NOTCH3: variants seen among roughly 807,000 people sequenced by gnomAD.
The protein encoded by NOTCH3 is neurogenic locus notch homolog protein 3.
A neutral mutation model predicts 213.3 loss-of-function variants in NOTCH3; 86 were observed. The ratio of observed to expected loss-of-function variants is 0.40; its 90% CI spans 0.34 to 0.48. The LOEUF (loss-of-function observed/expected upper bound fraction) is 0.48. Among genes scored for constraint, NOTCH3 ranks in the 20% least tolerant of loss-of-function variants. The probability of loss-of-function intolerance (pLI) is 0.57; values close to 1 mark genes in which losing one functional copy is unlikely to be tolerated. For missense variants in NOTCH3, 2,783 were observed against 3,272.6 expected (o/e 0.85, Z 3.65); for synonymous variants, 1,354 against 1,355.9 (o/e 1.00, Z 0.03).
At chr19:15,174,524 T>C in intron 24 of NOTCH3, 124 bp from the exon 25 acceptor site, 1 of 680,264 alleles carries the variant, frequency 1.5e-6, no homozygotes, top group Non-Finnish European at 2.3e-6. Flanking sequence ...GACTGGAATA[T>C]ACGGACCCAT....
chr19:15,199,648 ATC>A (rs1230877785), intron 1 of NOTCH3, among the ~76,000 whole-genome samples: 1 of 152,156 alleles, frequency 6.6e-6, no homozygotes, highest in Non-Finnish European at 1.5e-5. Flanking sequence ...GCAGGTTTGC[ATC>A]TCTGTTACGT....
rs2145400537 is a variant in NOTCH3, at chr19:15,170,568, C to G, written c.4892-15G>C. 5 of 1,606,698 alleles carry G rather than the reference C, an allele frequency of 3.1e-6. No individual in the cohort carries two copies. Among genetic ancestry groups the G allele is most frequent in the Non-Finnish European group, 4.2e-6 (5 of 1,178,614 alleles). On this transcript the variant is annotated splice_polypyrimidine_tract_variant and intron_variant, in intron 26 of 32. Coordinates refer to ENST00000263388, the MANE Select transcript of NOTCH3 (RefSeq NM_000435.3). ...CAGCGGCTCCCCTAAGAGCAGGAAGCAGAGGGCGGGGCTTCAGCCGAGGGC... is the reference window on the plus strand; with the variant it reads ...CAGCGGCTCCCCTAAGAGCAGGAAGGAGAGGGCGGGGCTTCAGCCGAGGGC...
chr19:15,199,887 G>A (rs1256749064), intron 1 of NOTCH3, among the ~76,000 whole-genome samples: 1 of 152,046 alleles, frequency 6.6e-6, no homozygotes, highest in Non-Finnish European at 1.5e-5. Flanking sequence ...CCGCCCACCA[G>A]GCCTCCCGTA....
chr19:15,162,773 T>TTGTGTGTGTGTG (rs770008525), intron 31 of NOTCH3, among the ~76,000 whole-genome samples: 19 of 5,270 alleles, frequency 3.6e-3, no homozygotes, highest in African/African-American at 7.5e-3. Flanking sequence ...GTGTGTGTGT[T>TTGTGTGTGTGTG]TGTGTGTGTG....
At chr19:15,195,123 C>A (rs2046959474) in intron 2 of NOTCH3, among the ~76,000 whole-genome samples, 1 of 152,134 alleles carries the variant, frequency 6.6e-6, no homozygotes, top group African/African-American at 2.4e-5. Context: ...CCCACAGCAT[C>A]CCACGCGGAA....
chr19:15,174,604 C>T (rs1313601140), intron 24 of NOTCH3, among the ~76,000 whole-genome samples: 1 of 149,988 alleles, frequency 6.7e-6, no homozygotes, highest in African/African-American at 2.5e-5. Flanking sequence ...CGGAGTCTTG[C>T]TCTGTCGCCC....
At chr19:15,187,748 A>AC (rs1243575878) in intron 10 of NOTCH3, 133 bp downstream of exon 10, 2 of 751,290 alleles carry the variant, frequency 2.7e-6, no homozygotes, top group Non-Finnish European at 4.7e-6. Context: ...TATTGGCTCC[A>AC]CCCCCCAACT....
chr19:15,170,638 C>A, intron 26 of NOTCH3, 33 bp downstream of exon 26: 2 of 1,545,860 alleles, frequency 1.3e-6, no homozygotes, highest in South Asian at 1.2e-5. Context: ...CCAGCTCCGC[C>A]CCCGCCACCC....
intron 16 of NOTCH3, 109 bp from the exon 17 acceptor site, chr19:15,181,910 T>G: frequency 1.1e-6 from 1 of 890,432 alleles, no homozygotes; most frequent in Non-Finnish European, 1.7e-6. Context: ...CAGGTTCAAC[T>G]GGGATGGGGT....
chr19:15,187,037 G>C (rs1212936135), intron 11 of NOTCH3, 49 bp from the exon 12 acceptor site: 1 of 1,606,732 alleles, frequency 6.2e-7, no homozygotes, highest in South Asian at 1.1e-5. Flanking sequence ...TGCCCCACTA[G>C]ATGCACCATT....
intron 17 of NOTCH3, 58 bp from the exon 18 acceptor site, chr19:15,181,220 T>C: frequency 3.4e-6 from 5 of 1,482,514 alleles, no homozygotes; most frequent in Non-Finnish European, 4.6e-6. Flanking sequence ...GGCCCTGCCC[T>C]CCTTCCTGAG....
intron 24 of NOTCH3, among the ~76,000 whole-genome samples, chr19:15,174,982 C>G (rs1436920964): frequency 1.3e-5 from 2 of 151,956 alleles, no homozygotes; most frequent in East Asian, 3.9e-4. Context: ...AACTCCTGGA[C>G]TCAAATTATC....
Position 15,191,535 on chromosome 19 carries a change from C to T in NOTCH3, c.925G>A (p.Glu309Lys), listed in dbSNP as rs1386908989. The T allele has an allele frequency of 5.0e-6, 8 of 1,613,190 alleles. No homozygotes were observed. The highest frequency in any genetic ancestry group is 5.9e-6 in the Non-Finnish European group (7 of 1,180,022). The change falls in exon 6 of 33, where the codon GAG becomes AAG. Residue 309 changes from glutamate to lysine, a missense_variant. By Grantham distance (56) the Glu-to-Lys change is moderately conservative. Coordinates refer to ENST00000263388, the MANE Select transcript of NOTCH3 (RefSeq NM_000435.3). ...SCVCVNGWTG[E>K]SCSQNIDDCA... is the part of the protein sequence containing the mutation. Reference sequence around the variant, plus strand: ...TCATCGATATTCTGACTGCAGCTCTCGCCTGTCCAGCCATTGACACACACG... The same window carrying T: ...TCATCGATATTCTGACTGCAGCTCTTGCCTGTCCAGCCATTGACACACACG...
Position 15,170,424 on chromosome 19 carries a change from A to G in NOTCH3, c.5021T>C (p.Leu1674Pro). ...VARRKREHST[L>P]WFPEGFSLHK... ...CAGTGAGAAGCCCTCAGGGAACCAGAGGGTGCTGTGCTCGCGCTTGCGCCG... is the reference window on the plus strand; with the variant it reads ...CAGTGAGAAGCCCTCAGGGAACCAGGGGGTGCTGTGCTCGCGCTTGCGCCG... Residue 1674 changes from leucine (L) to proline (P), a missense_variant, in exon 27 of 33, where the codon CTC (leucine) becomes CCC (proline). Physicochemically the swap from Leu to Pro is moderately conservative, Grantham distance 98. Around this residue, in one of 6 missense-constraint regions of NOTCH3, gnomAD observed 636 missense variants for 801.8 expected, o/e 0.79. Transcript: ENST00000263388. The G allele has an allele frequency of 6.2e-7, 1 of 1,613,072 alleles. No individual in the cohort carries two copies. Among genetic ancestry groups the G allele is most frequent in the Non-Finnish European group, 8.5e-7 (1 of 1,180,008 alleles).
At chr19:15,173,468 A>G (rs1335974568) in intron 25 of NOTCH3, among the ~76,000 whole-genome samples, 2 of 145,012 alleles carry the variant, frequency 1.4e-5, no homozygotes, top group Non-Finnish European at 3.0e-5. Context: ...GAGTCTTGCT[A>G]TGTTGCCCAG....
At chr19:15,181,496 T>C (rs570520649) in intron 17 of NOTCH3, 80 bp downstream of exon 17, 47 of 1,210,352 alleles carry the variant, frequency 3.9e-5, no homozygotes, top group Non-Finnish European at 5.5e-5. Context: ...CCCCAAGTCG[T>C]TGCTGTCCCC....
Position 15,191,610 on chromosome 19 carries a change from C to T in NOTCH3, c.850G>A (p.Ala284Thr), listed in dbSNP as rs149307620. Residue 284 changes from alanine (A) to threonine (T), a missense_variant, in exon 6 of 33, where the codon GCC becomes ACC. Physicochemically the swap from Ala to Thr is moderately conservative, Grantham distance 58. This residue lies in a region of NOTCH3 where 708 missense variants were observed against 906.6 expected (regional missense o/e 0.78). Transcript: ENST00000263388. ...AAGCAGGTACCCCCATTGTGGCAGG[C>T]GTTGGGCTGCAGCTGACACTCATCC... ...DVDECQLQPN[A>T]CHNGGTCFNT... 2.1e-4 allele frequency: 339 copies of T among 1,612,982 alleles called. No homozygotes were observed. The highest frequency in any genetic ancestry group is 1.1e-4 in the Non-Finnish European group (131 of 1,179,986).
At chr19:15,191,071 T>C (rs1448380699) in intron 6 of NOTCH3, among the ~76,000 whole-genome samples, 2 of 148,118 alleles carry the variant, frequency 1.4e-5, no homozygotes, top group Non-Finnish European at 1.5e-5. Context: ...TCTCACTCTG[T>C]CACCCAGGCT....
Position 15,181,023 on chromosome 19 carries a change from T to G in NOTCH3, c.2932A>C (p.Ser978Arg), listed in dbSNP as rs141956294. 611 of 1,600,290 alleles carry G rather than the reference T, an allele frequency of 3.8e-4. No homozygotes were observed. The highest frequency in any genetic ancestry group is 4.8e-4 in the Non-Finnish European group (564 of 1,174,454). Reference protein sequence around the residue: ...SRPCLHGGVCSAAHPGFRCTC... With the variant: ...SRPCLHGGVCRAAHPGFRCTC... ...CAGCGGAAGCCAGGGTGGGCGGCGC[T>G]GCAGACGCCCCCGTGTAGGCAGGGC... Residue 978 changes from serine to arginine, a missense_variant, in exon 18 of 33, where the codon AGC (serine) becomes CGC (arginine). Physicochemically the swap from Ser to Arg is moderately radical, Grantham distance 110. Coordinates refer to ENST00000263388, the MANE Select transcript of NOTCH3 (RefSeq NM_000435.3).
Sources: gnomAD v4.1 joint callset for allele counts (sites outside exome capture counted in the v4.1 genomes callset) on GRCh38, gnomAD v4.1.1 for gene constraint, gnomAD v4.1.1 regional missense constraint, MANE v1.5 for transcripts, NCBI Gene and HGNC (gene_info 2026-07-23, HGNC 2026-07-21) for gene names.